ATP2C2: variants seen among roughly 807,000 people sequenced by gnomAD.
The protein encoded by ATP2C2 is ATPase secretory pathway Ca2+ transporting 2.
In ATP2C2, 171 loss-of-function variants were observed where a neutral mutation model predicts 110.8. The observed-to-expected ratio is 1.54, with a 90% CI of 1.36 to 1.75. The LOEUF is 1.75. Ranked by LOEUF, ATP2C2 falls within the 40% of genes most tolerant of loss-of-function variation. The pLI, the probability that ATP2C2 is intolerant of heterozygous loss-of-function variation, is 0.00. For missense variants in ATP2C2, 1,963 were observed against 1,235.0 expected, an observed-to-expected ratio of 1.59 and a Z score of -8.84; for synonymous variants, 804 against 508.4, an observed-to-expected ratio of 1.58 and a Z score of -7.82.
intron 11 of ATP2C2, among the ~76,000 whole-genome samples, chr16:84,433,683 AACACAC>A (rs71994851): frequency 4.0e-5 from 6 of 150,504 alleles, no homozygotes; most frequent in Non-Finnish European, 5.9e-5. Flanking sequence ...ACAACAACAA[AACACAC>A]ACACACACAC....
chr16:84,425,919 C>T (rs531720282), intron 11 of ATP2C2, 118 bp downstream of exon 11: 8 of 1,259,058 alleles, frequency 6.4e-6, no homozygotes, highest in South Asian at 6.1e-5. Context: ...AAGGTGCAGC[C>T]CCGTCACCCA....
At chr16:84,458,752 C>T (rs1203262472) in intron 21 of ATP2C2, among the ~76,000 whole-genome samples, 1 of 152,200 alleles carries the variant, frequency 6.6e-6, no homozygotes, top group Non-Finnish European at 1.5e-5. Context: ...ACTGGTTTTG[C>T]TGCGTCTCTC....
At chr16:84,438,036 A>C (rs429790) in intron 11 of ATP2C2, among the ~76,000 whole-genome samples, 53,031 of 152,136 alleles carry the variant, frequency 0.35, 9,766 homozygotes, top group Non-Finnish European at 0.4. Flanking sequence ...GCTCATCCAC[A>C]TGGTGGCATG....
At chr16:84,454,719 C>CCAGA (rs1267684989) in intron 20 of ATP2C2, 99 bp from the exon 21 acceptor site, 6 of 1,300,528 alleles carry the variant, frequency 4.6e-6, no homozygotes, top group African/African-American at 1.5e-5. Flanking sequence ...CGGGTGCCCT[C>CCAGA]CAGACAGAGG....
chr16:84,450,678 G>A (rs924376678), intron 17 of ATP2C2, among the ~76,000 whole-genome samples: 1 of 152,088 alleles, frequency 6.6e-6, no homozygotes, highest in African/African-American at 2.4e-5. Flanking sequence ...CAGTGAGGGG[G>A]CAAGGATGTT....
intron 1 of ATP2C2, among the ~76,000 whole-genome samples, chr16:84,382,310 C>T (rs1053757650): frequency 4.6e-5 from 7 of 152,194 alleles, no homozygotes; most frequent in East Asian, 1.9e-4. Context: ...GCAAAGGACA[C>T]GAACTCATCC....
chr16:84,448,981 T>C (rs1824357238), intron 17 of ATP2C2, among the ~76,000 whole-genome samples: 1 of 152,212 alleles, frequency 6.6e-6, no homozygotes, highest in Non-Finnish European at 1.5e-5. Context: ...ATTTTCCCAA[T>C]AGGTCTTTTT....
chr16:84,413,339 T>C (rs1906555467), intron 6 of ATP2C2, among the ~76,000 whole-genome samples: 1 of 152,092 alleles, frequency 6.6e-6, no homozygotes, highest in South Asian at 2.1e-4. Flanking sequence ...AGAGTCAGCA[T>C]TCAAGGGGCG....
At chr16:84,452,891 C>T (rs1400918074) in intron 18 of ATP2C2, among the ~76,000 whole-genome samples, 1 of 152,160 alleles carries the variant, frequency 6.6e-6, no homozygotes, top group East Asian at 1.9e-4. Context: ...TCCAGTGTTA[C>T]TCCTTACCAG....
intron 7 of ATP2C2, among the ~76,000 whole-genome samples, chr16:84,415,816 C>T (rs560220213): frequency 3.0e-4 from 45 of 152,320 alleles, no homozygotes; most frequent in African/African-American, 1.1e-3. Context: ...AGCCTGACAA[C>T]CTTTGGCTAT....
intron 7 of ATP2C2, among the ~76,000 whole-genome samples, chr16:84,422,006 TATTGTGTGGG>T (rs1324770525): frequency 2.6e-5 from 4 of 152,084 alleles, no homozygotes; most frequent in Non-Finnish European, 5.9e-5. Context: ...CTGGCTCGGT[TATTGTGTGGG>T]ATTGTGTGGG....
intron 16 of ATP2C2, among the ~76,000 whole-genome samples, chr16:84,446,702 G>A (rs982679451): frequency 4.6e-5 from 7 of 152,098 alleles, no homozygotes; most frequent in African/African-American, 1.7e-4. Context: ...AGAATCTCAG[G>A]TTCCATGCCA....
At chr16:84,374,528 G>A (rs535176794) in intron 1 of ATP2C2, among the ~76,000 whole-genome samples, 7 of 152,234 alleles carry the variant, frequency 4.6e-5, no homozygotes, top group Admixed American at 3.3e-4. Context: ...ATGGCATCCC[G>A]GAAACCCTGC....
chr16:84,377,662 G>T (rs1211414894), intron 1 of ATP2C2, among the ~76,000 whole-genome samples: 2 of 152,010 alleles, frequency 1.3e-5, no homozygotes, highest in African/African-American at 4.8e-5. Flanking sequence ...CTCTTTAAAG[G>T]CCCCAGCTTT....
intron 1 of ATP2C2, among the ~76,000 whole-genome samples, chr16:84,394,851 C>A (rs1296847360): frequency 1.3e-5 from 2 of 152,108 alleles, no homozygotes; most frequent in Non-Finnish European, 2.9e-5. Context: ...CATATTTGAC[C>A]TCATCTGACC....
In ATP2C2 at chr16:84,460,794, G is replaced by A. The variant is rs767993797; in HGVS notation, c.2474G>A (p.Trp825Ter). Residue 825 changes from tryptophan (W) to a stop codon, truncating the protein, a stop_gained, in exon 24 of 27, where the codon TGG (tryptophan) becomes TAG (stop). Coordinates refer to ENST00000262429, the MANE Select transcript of ATP2C2 (RefSeq NM_014861.4). LOFTEE classifies it high-confidence loss of function. ...IIISGTLFIF[W>*]KEMPEDRAST... ...ATCAGCGGGACCCTCTTTATCTTCT[G>A]GAAGGAGGTGAGCGAGGGTCACCCC... is the stretch of plus-strand genomic sequence containing the variant. 7 of 1,612,000 alleles carry A rather than the reference G, an allele frequency of 4.3e-6. No individual in the cohort carries two copies. The highest frequency in any genetic ancestry group is 5.1e-6 in the Non-Finnish European group (6 of 1,178,434).
intron 1 of ATP2C2, among the ~76,000 whole-genome samples, chr16:84,388,631 C>T (rs11644498): frequency 0.15 from 22,482 of 152,206 alleles, 1,781 homozygotes; most frequent in South Asian, 0.26. Context: ...GGGTGTGTGT[C>T]TCCAATGTCA....
intron 7 of ATP2C2, among the ~76,000 whole-genome samples, chr16:84,419,901 G>C (rs917895963): frequency 6.6e-6 from 1 of 152,260 alleles, no homozygotes; most frequent in East Asian, 1.9e-4. Flanking sequence ...TCCCAAATGG[G>C]AGAGACTTGC....
intron 1 of ATP2C2, among the ~76,000 whole-genome samples, chr16:84,385,568 T>C (rs963281386): frequency 6.6e-6 from 1 of 152,204 alleles, no homozygotes; most frequent in African/African-American, 2.4e-5. Context: ...GGACTCTGTA[T>C]TAGTCCACTC....
Sources: gnomAD v4.1 joint callset for allele counts (sites outside exome capture counted in the v4.1 genomes callset) on GRCh38, gnomAD v4.1.1 for gene constraint, MANE v1.5 for transcripts, NCBI Gene and HGNC (gene_info 2026-07-23, HGNC 2026-07-21) for gene names.